The following ADGRL2 variants were observed in gnomAD, a reference collection of about 807,000 sequenced individuals.
ADGRL2 encodes the protein adhesion G protein-coupled receptor L2.
A neutral mutation model predicts 157.4 loss-of-function variants in ADGRL2; 44 were observed. That is an observed-to-expected ratio of 0.28 (90% confidence interval 0.22 to 0.36). The LOEUF is 0.36. Among genes scored for constraint, ADGRL2 ranks in the 10% least tolerant of loss-of-function variants. The probability of loss-of-function intolerance (pLI) is 1.00; values close to 1 mark genes in which losing one functional copy is unlikely to be tolerated. For missense variants in ADGRL2, 1,510 were observed against 1,768.9 expected, an observed-to-expected ratio of 0.85 and a Z score of 2.63; for synonymous variants, 585 against 624.7, an observed-to-expected ratio of 0.94 and a Z score of 0.95.
At chr1:81,478,124 A>G (rs2078310777) in intron 2 of ADGRL2, among the ~76,000 whole-genome samples, 1 of 152,078 alleles carries the variant, frequency 6.6e-6, no homozygotes, top group South Asian at 2.1e-4. Context: ...TCTGTGCTCA[A>G]CAGTTTGCAT....
intron 2 of ADGRL2, among the ~76,000 whole-genome samples, chr1:81,484,135 C>CTTAAATCAAAATCCCTT (rs1469085516): frequency 6.6e-6 from 1 of 152,112 alleles, no homozygotes; most frequent in Non-Finnish European, 1.5e-5. Flanking sequence ...CCCTTTTGGT[C>CTTAAATCAAAATCCCTT]TTGCTTTTAT....
intron 2 of ADGRL2, among the ~76,000 whole-genome samples, chr1:81,783,289 AT>A (rs573673307): frequency 0.092 from 13,295 of 145,242 alleles, 619 homozygotes; most frequent in Admixed American, 0.11. Context: ...ATGCTGGCTA[AT>A]TTTTTTTTTT....
intron 2 of ADGRL2, among the ~76,000 whole-genome samples, chr1:81,459,827 TATATACACACACACAC>T (rs1557704551): frequency 1.3e-5 from 2 of 148,936 alleles, no homozygotes; most frequent in East Asian, 3.9e-4. Context: ...TATATATATA[TATATACACACACACAC>T]ATACACACAC....
At chr1:81,729,764 A>G (rs1460866511) in intron 1 of ADGRL2, among the ~76,000 whole-genome samples, 1 of 152,234 alleles carries the variant, frequency 6.6e-6, no homozygotes. Context: ...CATTTAAGTT[A>G]CACGTATGAA....
chr1:81,651,536 C>G (rs530576374), intron 3 of ADGRL2, among the ~76,000 whole-genome samples: 1 of 152,200 alleles, frequency 6.6e-6, no homozygotes, highest in East Asian at 1.9e-4. Context: ...AAAAAATGAC[C>G]TGTAACAAAT....
rs774446911 is a variant in ADGRL2, at chr1:81,919,233, T to C, written c.287+12003T>C. ...TTATTTAAGTTTATAAACTAAAACA[T>C]TTATTTATTTAGTAAAAGCTTTGAG... On this transcript the variant is annotated intron_variant, in intron 3 of 23. Coordinates refer to ENST00000686636, the MANE Select transcript of ADGRL2 (RefSeq NM_001366006.2). 8.9e-4 allele frequency among the ~76,000 whole-genome samples: 135 copies of C among 151,972 alleles called. No homozygotes were observed. In the Middle Eastern group the frequency reaches 0.021, roughly 23 times the overall value.
intron 3 of ADGRL2, among the ~76,000 whole-genome samples, chr1:81,609,135 G>T (rs985218342): frequency 1.3e-5 from 2 of 151,888 alleles, no homozygotes; most frequent in African/African-American, 2.4e-5. Context: ...TGCCTCCTGG[G>T]TTCAAGTGAT....
chr1:81,934,549 C>CT (rs1315128278), intron 3 of ADGRL2, among the ~76,000 whole-genome samples: 1 of 151,890 alleles, frequency 6.6e-6, no homozygotes, highest in Non-Finnish European at 1.5e-5. Context: ...ATAGCAAAGT[C>CT]TTTCATGTTC....
At chr1:81,949,081 G>A (rs1022863596) in intron 6 of ADGRL2, among the ~76,000 whole-genome samples, 1 of 151,768 alleles carries the variant, frequency 6.6e-6, no homozygotes, top group Non-Finnish European at 1.5e-5. Context: ...TGTAAAATAA[G>A]TTGATTTTAT....
At chr1:81,937,046 G>A (rs1242260996) in intron 4 of ADGRL2, among the ~76,000 whole-genome samples, 1 of 151,958 alleles carries the variant, frequency 6.6e-6, no homozygotes, top group Non-Finnish European at 1.5e-5. Flanking sequence ...GTGTTCTTAA[G>A]TGTTTGGCTT....
intron 3 of ADGRL2, among the ~76,000 whole-genome samples, chr1:81,670,690 CTG>C (rs2082857150): frequency 6.6e-6 from 1 of 152,222 alleles, no homozygotes. Flanking sequence ...CGAAAAGACT[CTG>C]TTTCACAAAA....
In ADGRL2 at chr1:81,649,677, T is replaced by A. The variant is rs541070281; in HGVS notation, c.-143+68697T>A. ...CTTTGTGCTAAATACAAGTATTATT[T>A]ACTCCTTTCCCACAACCCCTGAGGG... On this transcript the variant is annotated intron_variant, in intron 3 of 24. Coordinates refer to the ADGRL2 transcript ENST00000370721. Among the ~76,000 whole-genome samples, 5 of 152,340 alleles carry A rather than the reference T, an allele frequency of 3.3e-5. No individual in the cohort carries two copies. The South Asian group carries it at 1.0e-3, about 32-fold the overall frequency.
intron 2 of ADGRL2, among the ~76,000 whole-genome samples, chr1:81,868,598 G>A (rs755268463): frequency 6.6e-6 from 1 of 152,020 alleles, no homozygotes; most frequent in Non-Finnish European, 1.5e-5. Context: ...TAGGATCGTT[G>A]TCTCCTCCTC....
chr1:81,518,055 G>A (rs1375550334), intron 2 of ADGRL2, among the ~76,000 whole-genome samples: 2 of 152,202 alleles, frequency 1.3e-5, no homozygotes, highest in African/African-American at 4.8e-5. Context: ...TTCCCTTAAA[G>A]AGAAAATTAA....
At chr1:81,532,797 G>A (rs1410017442) in intron 2 of ADGRL2, among the ~76,000 whole-genome samples, 1 of 152,042 alleles carries the variant, frequency 6.6e-6, no homozygotes, top group African/African-American at 2.4e-5. Flanking sequence ...ACACATGCCT[G>A]TGGTCCCAGC....
intron 3 of ADGRL2, among the ~76,000 whole-genome samples, chr1:81,673,384 C>T (rs1181596170): frequency 6.6e-6 from 1 of 151,980 alleles, no homozygotes; most frequent in Non-Finnish European, 1.5e-5. Context: ...GAATTATTGT[C>T]TCACTTTTCT....
chr1:81,505,874 T>A (rs1045778031), intron 2 of ADGRL2: 5 of 336,764 alleles, frequency 1.5e-5, no homozygotes, highest in African/African-American at 6.4e-5. Flanking sequence ...GGGATCAATG[T>A]CATTACACAA....
intron 3 of ADGRL2, among the ~76,000 whole-genome samples, chr1:81,594,600 A>T (rs1013716265): frequency 5.9e-5 from 9 of 152,208 alleles, no homozygotes; most frequent in Non-Finnish European, 1.2e-4. Context: ...CCTATTTAAA[A>T]TCAGTGGCTT....
chr1:81,600,105 G>A (rs1164483166), intron 3 of ADGRL2, among the ~76,000 whole-genome samples: 1 of 152,182 alleles, frequency 6.6e-6, no homozygotes, highest in Non-Finnish European at 1.5e-5. Context: ...ACAGTAATAT[G>A]TGATGCTATT....
Sources: gnomAD v4.1 joint callset for allele counts (sites outside exome capture counted in the v4.1 genomes callset) on GRCh38, gnomAD v4.1.1 for gene constraint, MANE v1.5 for transcripts, NCBI Gene and HGNC (gene_info 2026-07-23, HGNC 2026-07-21) for gene names.